Variants in PLK5 observed in about 807,000 individuals in gnomAD.
PLK5 encodes the protein inactive serine/threonine-protein kinase PLK5.
In PLK5, 28 loss-of-function variants were observed where a neutral mutation model predicts 33.7. The observed-to-expected ratio is 0.83, with a 90% CI of 0.62 to 1.14. The LOEUF (loss-of-function observed/expected upper bound fraction) is 1.14, where lower values mean the gene tolerates loss of function less well. Ranked by LOEUF, PLK5 falls within the 50% of genes most tolerant of loss-of-function variation. The probability of loss-of-function intolerance (pLI) is 0.00; values close to 1 mark genes in which losing one functional copy is unlikely to be tolerated. For synonymous variants in PLK5, 225 were observed against 202.2 expected, an observed-to-expected ratio of 1.11 and a Z score of -0.96; for missense variants, 492 against 461.5, an observed-to-expected ratio of 1.07 and a Z score of -0.61.
rs1462987814 is a variant in PLK5 at position 1,529,421 on chromosome 19, A to G, written c.421A>G (p.Lys141Glu). ...CCCACCTCAGAGCTCCCTGTCTGCG[A>G]AAGAGGTTCCCTGCCTGGAAGGCCC... ...EWDGESSLSA[K>E]EVPCLEGPIH... Residue 141 changes from lysine (K) to glutamate (E), a missense_variant, in exon 10 of 14, where the codon AAA becomes GAA. By Grantham distance (56) the Lys-to-Glu change is moderately conservative. Transcript: ENST00000454744. 7.2e-6 allele frequency: 11 copies of G among 1,535,920 alleles called. No individual in the cohort carries two copies. The highest frequency in any genetic ancestry group is 3.9e-5 in the Admixed American group (2 of 51,002).
At chr19:1,527,888 T>A in intron 6 of PLK5, 48 bp from the exon 7 acceptor site, 2 of 1,504,416 alleles carry the variant, frequency 1.3e-6, no homozygotes, top group Non-Finnish European at 1.8e-6. Context: ...CAGGGGTAGC[T>A]CTGAGCGATG....
In PLK5 at chr19:1,531,832, G is replaced by C. The variant is rs1295684199; in HGVS notation, c.663G>C (p.Leu221Phe). 1 of 1,533,698 alleles carries C rather than the reference G, an allele frequency of 6.5e-7. No individual in the cohort carries two copies. Among genetic ancestry groups the C allele is most frequent in the South Asian group, 1.2e-5 (1 of 83,774 alleles). The change falls in exon 12 of 14, where the codon TTG (leucine) becomes TTC (phenylalanine). Residue 221 changes from leucine (L) to phenylalanine (F), a missense_variant. Coordinates refer to ENST00000454744, the MANE Select transcript of PLK5 (RefSeq NM_001243079.2). ...AATACGGCTTTGGCTACCAGCTCTT[G>C]GACGGGGGGCGCACGGGACGGCACC... ...SSKYGFGYQL[L>F]DGGRTGRHPH...
chr19:1,529,033 C>G, intron 9 of PLK5, 59 bp downstream of exon 9: 1 of 1,377,712 alleles, frequency 7.3e-7, no homozygotes, highest in Non-Finnish European at 9.6e-7. Flanking sequence ...CTGGCCCCTG[C>G]TAAAACCCCC....
chr19:1,527,339 C>T (rs887740364), intron 6 of PLK5, among the ~76,000 whole-genome samples: 2 of 152,032 alleles, frequency 1.3e-5, no homozygotes, highest in Non-Finnish European at 2.9e-5. Flanking sequence ...CAGTGACTCA[C>T]GCCTGTAATC....
chr19:1,528,989 TG>T lies in PLK5; in HGVS notation c.405+20del. The T allele has an allele frequency of 6.7e-7, 1 of 1,491,494 alleles. No individual in the cohort carries two copies. Among genetic ancestry groups the T allele is most frequent in the Non-Finnish European group, 8.9e-7 (1 of 1,125,674 alleles). 92.4% of individuals were successfully genotyped at this position (1,491,494 alleles called of 1,614,324 possible). On this transcript the variant is annotated intron_variant, in intron 9 of 13. Transcript: ENST00000454744. ...GGGACGGCGAGGTGAGACATCGGGGTGGGGGACACGGGGAGACACAGGTGGA... is the reference window on the plus strand; with the variant it reads ...GGGACGGCGAGGTGAGACATCGGGGTGGGGACACGGGGAGACACAGGTGGA...
In PLK5 at chr19:1,527,364, G is replaced by A. The variant is rs577841333; in HGVS notation, c.2+366G>A. Among the ~76,000 whole-genome samples, 6 of 152,266 alleles carry A rather than the reference G, an allele frequency of 3.9e-5. No homozygotes were observed. The South Asian group carries it at 1.0e-3, about 26-fold the overall frequency. On this transcript the variant is annotated intron_variant, in intron 6 of 13. Transcript: ENST00000454744. ...CGCCTGTAATCCTAGAGCTTTGGGA[G>A]GCCGAGGCAGGAGGATCGCTTGAGC...
rs1271216675 is a variant in PLK5, at chr19:1,531,751, C to T, written c.582C>T (p.Pro194=). Residue 194 remains proline, a synonymous_variant, in exon 12 of 14, where the codon CCC becomes CCT. Coordinates refer to ENST00000454744, the MANE Select transcript of PLK5 (RefSeq NM_001243079.2). ...GTTTGTGCCCAGCCACACAGGACCC[C>T]CTGGGAGAGCAGCAGCCCATCCTCT... The part of the protein sequence containing the change: ...LDVGPPATQD[P]LGEQQPILWA... The T allele has an allele frequency of 1.3e-6, 2 of 1,536,568 alleles. No homozygotes were observed. The highest frequency in any genetic ancestry group is 1.7e-6 in the Non-Finnish European group (2 of 1,147,112).
intron 12 of PLK5, 102 bp downstream of exon 12, chr19:1,531,985 G>T: frequency 7.9e-7 from 1 of 1,273,178 alleles, no homozygotes; most frequent in South Asian, 1.8e-5. Flanking sequence ...CACACCTACA[G>T]GTGCTCCCTG....
chr19:1,535,281 T>C lies in PLK5; in HGVS notation c.*31T>C. ...CTGAGGGTCAGAGTGGACCCCTGCATGGTAGTGCCAGGGACCCAGGCTCCA... is the reference window on the plus strand; with the variant it reads ...CTGAGGGTCAGAGTGGACCCCTGCACGGTAGTGCCAGGGACCCAGGCTCCA... On this transcript the variant is annotated 3_prime_UTR_variant, in exon 14 of 14. Coordinates refer to ENST00000454744, the MANE Select transcript of PLK5 (RefSeq NM_001243079.2). 6.6e-7 allele frequency: 1 copy of C among 1,518,338 alleles called. No homozygotes were observed. The highest frequency in any genetic ancestry group is 8.8e-7 in the Non-Finnish European group (1 of 1,137,790). The allele number at this position is 1,518,338 out of a possible 1,614,324, so 94.1% of individuals were successfully genotyped here. A position where few individuals can be genotyped will look rare whatever the true frequency, so the allele number is the denominator to read the frequency against.
intron 11 of PLK5, among the ~76,000 whole-genome samples, chr19:1,530,062 G>A (rs186757376): frequency 1.5e-4 from 23 of 152,136 alleles, no homozygotes; most frequent in Admixed American, 1.4e-3. Context: ...ACCCGGGCTC[G>A]TTAGAGACCC....
chr19:1,531,843 G>T lies in PLK5; in HGVS notation c.674G>T (p.Arg225Leu). The T allele has an allele frequency of 6.6e-7, 1 of 1,524,812 alleles. No homozygotes were observed. Among genetic ancestry groups the T allele is most frequent in the Non-Finnish European group, 8.8e-7 (1 of 1,141,420 alleles). The allele number at this position is 1,524,812 out of a possible 1,614,324, so 94.5% of individuals were successfully genotyped here. Reference protein sequence around the residue: ...GFGYQLLDGGRTGRHPHGPAT... With the variant: ...GFGYQLLDGGLTGRHPHGPAT... ...GGCTACCAGCTCTTGGACGGGGGGCGCACGGGACGGCACCCACATGGCCCT... is the reference window on the plus strand; with the variant it reads ...GGCTACCAGCTCTTGGACGGGGGGCTCACGGGACGGCACCCACATGGCCCT... Residue 225 changes from arginine to leucine, a missense_variant, in exon 12 of 14, where the codon CGC becomes CTC. Transcript: ENST00000454744.
chr19:1,527,895 G>C (rs781688313), intron 6 of PLK5, 41 bp from the exon 7 acceptor site: 11 of 1,512,770 alleles, frequency 7.3e-6, no homozygotes, highest in East Asian at 2.5e-5. Context: ...AGCTCTGAGC[G>C]ATGCCTGGAC....
At position 1,531,811 on chromosome 19, in the gene PLK5, C is replaced by T. The variant is rs563305895; in HGVS notation, c.642C>T (p.Tyr214=). The change falls in exon 12 of 14, where the codon TAC becomes TAT. Residue 214 remains tyrosine (Y), a synonymous_variant. Transcript: ENST00000454744. ...APKWVDYSSK[Y]GFGYQLLDGG... ...AATGGGTGGATTATTCCAGCAAATA[C>T]GGCTTTGGCTACCAGCTCTTGGACG... The T allele has an allele frequency of 2.9e-5, 45 of 1,535,058 alleles. No individual in the cohort carries two copies. The highest frequency in any genetic ancestry group is 1.6e-4 in the Admixed American group (8 of 50,880).
At position 1,534,050 on chromosome 19, in the gene PLK5, G is replaced by A. The variant is rs541540069; in HGVS notation, c.825+9G>A. Reference sequence around the variant, plus strand: ...GCAATGGGATGGTGCAGGTGAGCCCGGGGCTCAAACTCGGGGCACTGGGGC... The same window carrying A: ...GCAATGGGATGGTGCAGGTGAGCCCAGGGCTCAAACTCGGGGCACTGGGGC... On this transcript the variant is annotated intron_variant, in intron 13 of 13. Transcript: ENST00000454744. The A allele has an allele frequency of 1.6e-5, 25 of 1,533,292 alleles. No homozygotes were observed. Among genetic ancestry groups the A allele is most frequent in the South Asian group, 9.5e-5 (8 of 83,932 alleles). 95.0% of individuals were successfully genotyped at this position (1,533,292 alleles called of 1,614,324 possible).
Position 1,526,775 on chromosome 19 carries a change from G to T in PLK5, c.-111G>T, listed in dbSNP as rs1488600043. ...GGGACTGGCGGCCAAGGTGGGGCCAGGGGGCCGCTGCCACAGGTGAGAGCC... is the reference window on the plus strand; with the variant it reads ...GGGACTGGCGGCCAAGGTGGGGCCATGGGGCCGCTGCCACAGGTGAGAGCC... On this transcript the variant is annotated 5_prime_UTR_variant, in exon 5 of 14. The change creates a new upstream start codon in the 5' untranslated region. Transcript: ENST00000454744. 6.8e-6 allele frequency: 4 copies of T among 586,394 alleles called. No homozygotes were observed. The highest frequency in any genetic ancestry group is 1.2e-5 in the Non-Finnish European group (4 of 330,884). The allele number at this position is 586,394 out of a possible 1,614,324, so 36.3% of individuals were successfully genotyped here.
intron 12 of PLK5, among the ~76,000 whole-genome samples, chr19:1,532,232 C>A (rs1269216512): frequency 1.3e-5 from 2 of 152,072 alleles, no homozygotes; most frequent in Non-Finnish European, 2.9e-5. Context: ...ATAGCAAGAC[C>A]CCATCCCTAC....
At chr19:1,535,035 T>C in intron 13 of PLK5, 30 bp from the exon 14 acceptor site, 1 of 1,478,588 alleles carries the variant, frequency 6.8e-7, no homozygotes, top group Non-Finnish European at 9.0e-7. Context: ...GGTACCCGTC[T>C]CCCCTTGACT....
chr19:1,530,604 ATTTTTTTTTTTTTT>A (rs759461067), intron 11 of PLK5, among the ~76,000 whole-genome samples: 383 of 36,560 alleles, frequency 0.01, 7 homozygotes, highest in African/African-American at 0.042. Context: ...GCCTGGGCGC[ATTTTTTTTTTTTTT>A]TTTTTTTTTT....
rs990722638 is a variant in PLK5 at position 1,535,934 on chromosome 19, T to C, written c.*684T>C. ...CTGCCATAACTCCAAATCTAAAACA[T>C]GGGACAGTTGCTTAATGGGTGGACA... On this transcript the variant is annotated 3_prime_UTR_variant, in exon 14 of 14. Coordinates refer to ENST00000454744, the MANE Select transcript of PLK5 (RefSeq NM_001243079.2). 1.3e-5 allele frequency: 2 copies of C among 152,322 alleles called. No homozygotes were observed. Among genetic ancestry groups the C allele is most frequent in the Non-Finnish European group, 2.9e-5 (2 of 68,294 alleles). 9.4% of individuals were successfully genotyped at this position (152,322 alleles called of 1,614,324 possible).
Sources: allele counts gnomAD v4.1 joint callset (sites outside exome capture counted in the v4.1 genomes callset), GRCh38; gene constraint gnomAD v4.1.1; transcripts MANE v1.5; gene names NCBI Gene and HGNC (gene_info 2026-07-23, HGNC 2026-07-21).